SNX7: variants seen among roughly 807,000 people sequenced by gnomAD.
SNX7 encodes sorting nexin 7, also known as sorting nexin-7.
In SNX7, 35 loss-of-function variants were observed where a neutral mutation model predicts 48.4. The ratio of observed to expected loss-of-function variants is 0.72; its 90% CI spans 0.55 to 0.96. SNX7 has a LOEUF of 0.96. Among genes scored for constraint, SNX7 ranks in the 40% least tolerant of loss-of-function variants. SNX7 has a pLI of 0.00. For synonymous variants in SNX7, 190 were observed against 190.2 expected, an observed-to-expected ratio of 1.00 and a Z score of 0.01; for missense variants, 553 against 548.9, an observed-to-expected ratio of 1.01 and a Z score of -0.07.
Position 98,684,913 on chromosome 1 carries a change from T to A in SNX7, c.209T>A (p.Phe70Tyr). 3.2e-6 allele frequency: 5 copies of A among 1,566,806 alleles called. No homozygotes were observed. The highest frequency in any genetic ancestry group is 3.5e-6 in the Non-Finnish European group (4 of 1,154,534). ...GCCTCATTGATGGACATGAACTCCTTCAGCCCTATGATGCCAACATCCCCT... is the reference window on the plus strand; with the variant it reads ...GCCTCATTGATGGACATGAACTCCTACAGCCCTATGATGCCAACATCCCCT... ...KDASLMDMNS[F>Y]SPMMPTSPLS... Residue 70 changes from phenylalanine (F) to tyrosine (Y), a missense_variant, in exon 2 of 9, where the codon TTC becomes TAC. By Grantham distance (22) the Phe-to-Tyr change is conservative. Transcript: ENST00000306121.
chr1:98,676,495 ATTC>A (rs1650174719), intron 1 of SNX7, among the ~76,000 whole-genome samples: 2 of 152,262 alleles, frequency 1.3e-5, no homozygotes, highest in African/African-American at 4.8e-5. Context: ...GACTATTGTT[ATTC>A]TTCTTTCTTC....
intron 6 of SNX7, among the ~76,000 whole-genome samples, chr1:98,700,075 T>C (rs183454333): frequency 2.4e-4 from 36 of 152,334 alleles, no homozygotes; most frequent in Non-Finnish European, 4.4e-4. Flanking sequence ...AGATGGAAAT[T>C]ATGTAATTGA....
intron 1 of SNX7, among the ~76,000 whole-genome samples, chr1:98,683,787 G>A (rs1268853204): frequency 1.3e-5 from 2 of 152,230 alleles, no homozygotes; most frequent in African/African-American, 4.8e-5. Flanking sequence ...TCCTGCCAAC[G>A]TTCTTGGGAC....
At chr1:98,734,914 G>A (rs12025452) in intron 7 of SNX7, among the ~76,000 whole-genome samples, 5,851 of 152,206 alleles carry the variant, frequency 0.038, 244 homozygotes, top group East Asian at 0.19. Flanking sequence ...ACTGCTGTCA[G>A]TACTTGTGAA....
At chr1:98,729,904 T>C (rs1471867681) in intron 7 of SNX7, among the ~76,000 whole-genome samples, 3 of 152,176 alleles carry the variant, frequency 2.0e-5, no homozygotes, top group Non-Finnish European at 4.4e-5. Context: ...CCCTAACTCA[T>C]TTTATGAGGC....
chr1:98,714,917 C>T (rs1652508312), intron 7 of SNX7, among the ~76,000 whole-genome samples: 1 of 152,110 alleles, frequency 6.6e-6, no homozygotes, highest in South Asian at 2.1e-4. Flanking sequence ...AAATTTATTT[C>T]CAAGTGACAA....
intron 1 of SNX7, chr1:98,662,893 T>G: frequency 8.1e-7 from 1 of 1,237,446 alleles, no homozygotes; most frequent in Non-Finnish European, 1.1e-6. Flanking sequence ...CCATGCATAC[T>G]CTGACTCCAA....
At chr1:98,759,019 T>C (rs1654991842) in intron 8 of SNX7, among the ~76,000 whole-genome samples, 1 of 151,936 alleles carries the variant, frequency 6.6e-6, no homozygotes, top group South Asian at 2.1e-4. Context: ...AACATTTGAG[T>C]TTTTACAGTG....
intron 7 of SNX7, among the ~76,000 whole-genome samples, chr1:98,708,212 A>G (rs1652112129): frequency 6.6e-6 from 1 of 152,190 alleles, no homozygotes; most frequent in Non-Finnish European, 1.5e-5. Flanking sequence ...ATGCACAGAT[A>G]CATATCCATC....
At chr1:98,662,083 C>A in intron 1 of SNX7, 172 bp downstream of exon 1, 1 of 620,186 alleles carries the variant, frequency 1.6e-6, no homozygotes, top group Non-Finnish European at 2.3e-6. Flanking sequence ...TCTGGCCGCA[C>A]CCGGGGCCGC....
At chr1:98,759,688 G>A (rs1189812871) in intron 8 of SNX7, among the ~76,000 whole-genome samples, 2 of 152,014 alleles carry the variant, frequency 1.3e-5, no homozygotes, top group Non-Finnish European at 1.5e-5. Context: ...CACAATTGAC[G>A]TAATGGGATT....
intron 8 of SNX7, among the ~76,000 whole-genome samples, chr1:98,747,306 T>C (rs1029356696): frequency 3.3e-5 from 5 of 152,116 alleles, no homozygotes; most frequent in African/African-American, 1.2e-4. Flanking sequence ...ACTTTAAGTG[T>C]GGACTGATAT....
At chr1:98,686,534 TCCATA>T (rs1220461006) in intron 2 of SNX7, among the ~76,000 whole-genome samples, 1 of 152,158 alleles carries the variant, frequency 6.6e-6, no homozygotes, top group Non-Finnish European at 1.5e-5. Context: ...TTTTAAGTTA[TCCATA>T]ATTCCAAACA....
At chr1:98,741,453 T>C (rs191395821) in intron 8 of SNX7, among the ~76,000 whole-genome samples, 7 of 152,282 alleles carry the variant, frequency 4.6e-5, no homozygotes, top group Non-Finnish European at 8.8e-5. Context: ...GATGTATGAA[T>C]TTATTGGGAG....
chr1:98,700,118 G>T (rs1023677768), intron 6 of SNX7, among the ~76,000 whole-genome samples: 3 of 152,126 alleles, frequency 2.0e-5, no homozygotes, highest in East Asian at 1.9e-4. Context: ...GGAAAAATAA[G>T]AATTATTTTA....
intron 8 of SNX7, among the ~76,000 whole-genome samples, chr1:98,741,305 AATTAT>A (rs1416264600): frequency 2.0e-5 from 3 of 152,282 alleles, no homozygotes; most frequent in Non-Finnish European, 4.4e-5. Context: ...GGCAGAGGGA[AATTAT>A]ATTATAAATA....
At chr1:98,719,962 A>G (rs1249363807) in intron 7 of SNX7, among the ~76,000 whole-genome samples, 1 of 150,742 alleles carries the variant, frequency 6.6e-6, no homozygotes, top group Non-Finnish European at 1.5e-5. Context: ...TATTTTAATA[A>G]CTGTCCCAGT....
At chr1:98,741,549 C>T (rs1471104386) in intron 8 of SNX7, among the ~76,000 whole-genome samples, 2 of 151,886 alleles carry the variant, frequency 1.3e-5, no homozygotes, top group Non-Finnish European at 2.9e-5. Context: ...TTCTGTATGA[C>T]CAATAATTAA....
At chr1:98,687,464 T>G (rs4459134) in intron 2 of SNX7, among the ~76,000 whole-genome samples, 133,822 of 151,856 alleles carry the variant, frequency 0.88, 60,107 homozygotes, top group Non-Finnish European at 0.96. Flanking sequence ...AAATAGTACA[T>G]GTAGATCATG....
Sources: allele counts gnomAD v4.1 joint callset (sites outside exome capture counted in the v4.1 genomes callset), GRCh38; gene constraint gnomAD v4.1.1; transcripts MANE v1.5; gene names NCBI Gene and HGNC (gene_info 2026-07-23, HGNC 2026-07-21).